Variants in ADRA1A observed in about 807,000 individuals in gnomAD.
ADRA1A encodes adrenoceptor alpha 1A, also known as alpha-1A adrenergic receptor.
A neutral mutation model predicts 29.6 loss-of-function variants in ADRA1A; 31 were observed. The observed-to-expected ratio is 1.05, with a 90% CI of 0.79 to 1.41. ADRA1A has a LOEUF of 1.41. ADRA1A is among the 40% of genes most tolerant of loss of function. ADRA1A has a pLI of 0.00. For synonymous variants in ADRA1A, 311 were observed against 254.3 expected (o/e 1.22, Z -2.12); for missense variants, 619 against 601.1 (o/e 1.03, Z -0.31).
Position 26,839,819 on chromosome 8 carries a change from G to A in ADRA1A, c.883+24268C>T, listed in dbSNP as rs1167259929. On this transcript the variant is annotated intron_variant, in intron 2 of 2. Coordinates refer to ENST00000380573, the MANE Select transcript of ADRA1A (RefSeq NM_000680.4). ...GGATGGTGGGAAGGGTGTGTGGGGA[G>A]GAAAGGCACAAACTATGTGATTCCC... Among the ~76,000 whole-genome samples, 6 of 152,204 alleles carry A rather than the reference G, an allele frequency of 3.9e-5. No homozygotes were observed. In the South Asian group the frequency reaches 1.2e-3, roughly 32 times the overall value.
intron 2 of ADRA1A, among the ~76,000 whole-genome samples, chr8:26,852,943 A>C (rs1004022151): frequency 5.9e-5 from 9 of 152,294 alleles, no homozygotes; most frequent in Non-Finnish European, 5.9e-5. Flanking sequence ...CAGCAACATG[A>C]ATAACGGTGA....
chr8:26,866,588 C>T lies in ADRA1A; in HGVS notation c.-687+348G>A, dbSNP rs1443979912. On this transcript the variant is annotated intron_variant, in intron 1 of 2. Transcript: ENST00000380573. The surrounding 1 kb of genome is among the most constrained non-coding windows in gnomAD (Gnocchi z 5.7). ...AGGACAGCGCGGCGTGAGGAAGTGCCCACCTTGCCTTCTGGGGTTGGGCCC... is the reference window on the plus strand; with the variant it reads ...AGGACAGCGCGGCGTGAGGAAGTGCTCACCTTGCCTTCTGGGGTTGGGCCC... 1.3e-5 allele frequency among the ~76,000 whole-genome samples: 2 copies of T among 152,122 alleles called. No homozygotes were observed. The highest frequency in any genetic ancestry group is 2.1e-4 in the South Asian group (1 of 4,826).
chr8:26,752,785 C>T (rs1055983916), downstream of ADRA1A, among the ~76,000 whole-genome samples: 4 of 152,142 alleles, frequency 2.6e-5, no homozygotes, highest in Admixed American at 2.6e-4. Context: ...CACAAAAACC[C>T]CCTAGCAAGA....
At chr8:26,856,177 C>T (rs1490434717) in intron 2 of ADRA1A, among the ~76,000 whole-genome samples, 7 of 152,280 alleles carry the variant, frequency 4.6e-5, no homozygotes, top group Admixed American at 2.0e-4. Flanking sequence ...TTTCTGATCA[C>T]GAGAAAGCTT....
At chr8:26,854,290 G>A (rs1812840811) in intron 2 of ADRA1A, 1 of 152,362 alleles carries the variant, frequency 6.6e-6, no homozygotes, top group Non-Finnish European at 1.5e-5. Flanking sequence ...CTACTCAGGA[G>A]GCTGAGAAGA....
intron 2 of ADRA1A, among the ~76,000 whole-genome samples, chr8:26,830,980 G>A (rs575575217): frequency 1.3e-5 from 2 of 152,268 alleles, no homozygotes; most frequent in Non-Finnish European, 2.9e-5. Context: ...ATACTGGTCT[G>A]TAGAAGTGTC....
chr8:26,794,063 G>A (rs530059578), intron 2 of ADRA1A, among the ~76,000 whole-genome samples: 36 of 152,080 alleles, frequency 2.4e-4, no homozygotes, highest in African/African-American at 5.1e-4. Flanking sequence ...GAAAGTTGTC[G>A]ATTATATCTA....
intron 2 of ADRA1A, among the ~76,000 whole-genome samples, chr8:26,760,356 A>G (rs1805438282): frequency 6.6e-6 from 1 of 152,162 alleles, no homozygotes; most frequent in Non-Finnish European, 1.5e-5. Context: ...CTTAGGCTTT[A>G]AGAGTGGGAG....
At chr8:26,863,339 T>C (rs1161992795) in intron 2 of ADRA1A, among the ~76,000 whole-genome samples, 1 of 152,214 alleles carries the variant, frequency 6.6e-6, no homozygotes, top group East Asian at 1.9e-4. Flanking sequence ...ATTTGTAACA[T>C]TATGTGTACT....
intron 2 of ADRA1A, among the ~76,000 whole-genome samples, chr8:26,778,088 T>A (rs1210018786): frequency 6.6e-6 from 1 of 152,218 alleles, no homozygotes; most frequent in African/African-American, 2.4e-5. Context: ...TCATCCTGGA[T>A]GAGTCTGAGC....
chr8:26,840,582 T>C (rs1035876512), intron 2 of ADRA1A, among the ~76,000 whole-genome samples: 1 of 151,318 alleles, frequency 6.6e-6, no homozygotes, highest in Non-Finnish European at 1.5e-5. Flanking sequence ...TCCTGAACTT[T>C]AGCGTTCTTT....
chr8:26,763,516 T>A (rs564159220), downstream of ADRA1A, among the ~76,000 whole-genome samples: 47 of 152,202 alleles, frequency 3.1e-4, no homozygotes, highest in Non-Finnish European at 6.5e-4. This position sits in a 1 kb window ranked among gnomAD's most constrained non-coding sequence, Gnocchi z 4.5. Context: ...CTTATCCTGA[T>A]ACCTGCTTGG....
intron 2 of ADRA1A, among the ~76,000 whole-genome samples, chr8:26,758,692 T>A (rs1805332600): frequency 1.3e-5 from 2 of 152,168 alleles, no homozygotes; most frequent in Admixed American, 1.3e-4. Context: ...ATTTTCCAGG[T>A]CCTTCCAGTG....
chr8:26,864,681 C>T lies in ADRA1A; in HGVS notation c.289G>A (p.Val97Ile), dbSNP rs776269898. 4.3e-6 allele frequency: 7 copies of T among 1,614,022 alleles called. No homozygotes were observed. In the Admixed American group the frequency reaches 5.0e-5, roughly 12 times the overall value. ...EVLGYWAFGR[V>I]FCNIWAAVDV... Reference sequence around the variant, plus strand: ...ACTGCCGCCCAGATGTTGCAGAAGACCCTGCCGAAGGCCCAGTAGCCTAGG... The same window carrying T: ...ACTGCCGCCCAGATGTTGCAGAAGATCCTGCCGAAGGCCCAGTAGCCTAGG... Residue 97 changes from valine to isoleucine, a missense_variant, in exon 2 of 3, where the codon GTC (valine) becomes ATC (isoleucine). Coordinates refer to ENST00000380573, the MANE Select transcript of ADRA1A (RefSeq NM_000680.4). This position sits in a 1 kb window ranked among gnomAD's most constrained non-coding sequence, Gnocchi z 8.1.
intron 2 of ADRA1A, among the ~76,000 whole-genome samples, chr8:26,802,699 T>C (rs1163345794): frequency 6.6e-6 from 1 of 152,158 alleles, no homozygotes; most frequent in East Asian, 1.9e-4. Context: ...AGCTACCATA[T>C]GATCCAGCGA....
intron 2 of ADRA1A, among the ~76,000 whole-genome samples, chr8:26,850,025 C>CAAAAAAAAACCAACAAAAAACA (rs141672591): frequency 8.2e-6 from 1 of 121,558 alleles, no homozygotes; most frequent in Non-Finnish European, 1.7e-5. Flanking sequence ...GAGAGAAATG[C>CAAAAAAAAACCAACAAAAAACA]AAAAACAAAA....
chr8:26,756,596 T>C (rs1378213497), exon 3 of ADRA1A: 1 of 1,555,462 alleles, frequency 6.4e-7, no homozygotes, highest in South Asian at 1.2e-5. Flanking sequence ...GATTTGTGCC[T>C]TAGTCAGATG....
intron 2 of ADRA1A, among the ~76,000 whole-genome samples, chr8:26,789,557 A>T (rs1372377956): frequency 6.6e-6 from 1 of 152,208 alleles, no homozygotes; most frequent in Non-Finnish European, 1.5e-5. Context: ...AACTATAAAT[A>T]TACTAGAAGA....
intron 2 of ADRA1A, among the ~76,000 whole-genome samples, chr8:26,857,588 T>A (rs1028859141): frequency 6.6e-6 from 1 of 152,164 alleles, no homozygotes; most frequent in African/African-American, 2.4e-5. Flanking sequence ...GGAGAATCAC[T>A]TGAGTTCGAG....
Sources: gnomAD v4.1 joint callset for allele counts (sites outside exome capture counted in the v4.1 genomes callset) on GRCh38, gnomAD v4.1.1 for gene constraint, Gnocchi (gnomAD v3.1) non-coding constraint, MANE v1.5 for transcripts, NCBI Gene and HGNC (gene_info 2026-07-23, HGNC 2026-07-21) for gene names.